Variants in FGD6 observed in about 807,000 individuals in gnomAD.
FGD6 encodes FYVE, RhoGEF and PH domain containing 6.
In FGD6, 90 loss-of-function variants were observed where a neutral mutation model predicts 149.4. That is an observed-to-expected ratio of 0.60 (90% CI 0.51 to 0.72). FGD6 has a LOEUF of 0.72. Ranked by LOEUF, FGD6 falls within the 30% of genes least tolerant of loss-of-function variation. FGD6 has a pLI of 0.00. For missense variants in FGD6, 1,437 were observed against 1,684.8 expected, an observed-to-expected ratio of 0.85 and a Z score of 2.57; for synonymous variants, 527 against 584.0, an observed-to-expected ratio of 0.90 and a Z score of 1.41.
chr12:95,122,786 A>G (rs372283495), intron 8 of FGD6, among the ~76,000 whole-genome samples: 1 of 151,880 alleles, frequency 6.6e-6, no homozygotes, highest in African/African-American at 2.4e-5. Flanking sequence ...CCTAAGTTAG[A>G]AAGTGTCATC....
At chr12:95,165,281 T>A (rs1052840638) in intron 3 of FGD6, among the ~76,000 whole-genome samples, 2 of 151,838 alleles carry the variant, frequency 1.3e-5, no homozygotes, top group African/African-American at 4.8e-5. Context: ...CTTTTCTTCA[T>A]GCAACATGAA....
chr12:95,211,153 G>A lies in FGD6; in HGVS notation c.131C>T (p.Ser44Leu), dbSNP rs1366577335. ...PDIVISSVPQ[S>L]TKKMKPAIAP... ...TATTGCTGGTTTCATTTTCTTTGTC[G>A]ACTGTGGAACACTAGAAATCACAAT... Residue 44 changes from serine to leucine, a missense_variant, in exon 2 of 21, where the codon TCG becomes TTG. Physicochemically the swap from Ser to Leu is moderately radical, Grantham distance 145. Around this residue, in one of 2 missense-constraint regions of FGD6, gnomAD observed 1,055 missense variants for 1,146.0 expected, o/e 0.92. Coordinates refer to ENST00000343958, the MANE Select transcript of FGD6 (RefSeq NM_018351.4). The A allele has an allele frequency of 6.2e-6, 10 of 1,613,980 alleles. No homozygotes were observed. The highest frequency in any genetic ancestry group is 2.2e-5 in the East Asian group (1 of 44,900).
At chr12:95,172,046 G>GGGGGGGGT (rs562514503) in intron 3 of FGD6, among the ~76,000 whole-genome samples, 54 of 136,400 alleles carry the variant, frequency 4.0e-4, no homozygotes, top group Middle Eastern at 3.9e-3. Flanking sequence ...GGGGGGGGGG[G>GGGGGGGGT]TTGTTATCAA....
rs985889586 is a variant in FGD6, at chr12:95,217,263, C to T, written c.-23G>A. 1 of 1,602,744 alleles carries T rather than the reference C, an allele frequency of 6.2e-7. No individual in the cohort carries two copies. ...CATGATTCCCCGGTGCAGCTCGCTT[C>T]CCCGCTCGGCCCCTCAATCCATCTT... On this transcript the variant is annotated 5_prime_UTR_variant, in exon 1 of 21. Coordinates refer to ENST00000343958, the MANE Select transcript of FGD6 (RefSeq NM_018351.4).
At chr12:95,189,268 TACAAAAGAGC>T (rs1881524932) in intron 2 of FGD6, 1 of 152,064 alleles carries the variant, frequency 6.6e-6, no homozygotes, top group African/African-American at 2.4e-5. Context: ...ATTTGTAGAG[TACAAAAGAGC>T]ACACAAAAAA....
chr12:95,217,145 C>A, intron 1 of FGD6, 80 bp downstream of exon 1: 1 of 1,594,118 alleles, frequency 6.3e-7, no homozygotes, highest in Admixed American at 1.7e-5. Flanking sequence ...CCCACCCCGG[C>A]GAAGAAAGTT....
intron 2 of FGD6, among the ~76,000 whole-genome samples, chr12:95,207,745 C>T (rs2056700275): frequency 6.6e-6 from 1 of 152,120 alleles, no homozygotes. Flanking sequence ...GAACATCAGA[C>T]ATGCCAATAA....
chr12:95,106,373 C>T (rs562365802), intron 13 of FGD6, among the ~76,000 whole-genome samples: 6 of 150,966 alleles, frequency 4.0e-5, no homozygotes, highest in South Asian at 4.2e-4. Flanking sequence ...CAGGTTCAAG[C>T]GATTCTCCTG....
intron 5 of FGD6, among the ~76,000 whole-genome samples, 189 bp from the exon 6 acceptor site, chr12:95,141,728 TAGTG>T (rs1010148803): frequency 2.0e-5 from 3 of 152,028 alleles, no homozygotes; most frequent in African/African-American, 7.3e-5. Context: ...AAATAAAAAA[TAGTG>T]AGACGATTAT....
chr12:95,162,533 T>TTGAA (rs1252194785), intron 3 of FGD6, among the ~76,000 whole-genome samples: 1 of 151,844 alleles, frequency 6.6e-6, no homozygotes. Context: ...TGTCTAAAAA[T>TTGAA]TGAATGAATA....
intron 3 of FGD6, among the ~76,000 whole-genome samples, chr12:95,154,107 G>A (rs142353920): frequency 0.014 from 2,203 of 152,086 alleles, 78 homozygotes; most frequent in Non-Finnish European, 0.013. Flanking sequence ...CTACAGGTGC[G>A]TGCCATCACG....
At chr12:95,175,790 ACT>A (rs1369735816) in intron 2 of FGD6, among the ~76,000 whole-genome samples, 1 of 141,956 alleles carries the variant, frequency 7.0e-6, no homozygotes, top group East Asian at 2.0e-4. Flanking sequence ...ACAGAGTGAG[ACT>A]CTGTCTCAAA....
chr12:95,138,422 T>C (rs1879743742), intron 6 of FGD6, among the ~76,000 whole-genome samples: 1 of 151,444 alleles, frequency 6.6e-6, no homozygotes, highest in Non-Finnish European at 1.5e-5. Context: ...CAGGCGCCTG[T>C]AATCCTAGGT....
chr12:95,132,793 T>A (rs1039316552), intron 8 of FGD6, among the ~76,000 whole-genome samples: 6 of 152,004 alleles, frequency 3.9e-5, no homozygotes, highest in African/African-American at 1.2e-4. Flanking sequence ...AAATAAATAA[T>A]ATGTAAAAAT....
intron 3 of FGD6, among the ~76,000 whole-genome samples, chr12:95,170,940 A>C (rs1048593612): frequency 6.6e-6 from 1 of 152,184 alleles, no homozygotes; most frequent in African/African-American, 2.4e-5. Context: ...AGCCTAAGTA[A>C]TTTATAGTGG....
Position 95,217,236 on chromosome 12 carries a change from G to C in FGD6, c.5C>G (p.Thr2Ser), listed in dbSNP as rs1415335964. 6.2e-7 allele frequency: 1 copy of C among 1,611,994 alleles called. No homozygotes were observed. Among genetic ancestry groups the C allele is most frequent in the Non-Finnish European group, 8.5e-7 (1 of 1,178,728 alleles). Residue 2 changes from threonine (T) to serine (S), a missense_variant, in exon 1 of 21, where the codon ACT becomes AGT. Physicochemically the swap from Thr to Ser is moderately conservative, Grantham distance 58 (BLOSUM62 1). Around this residue, in one of 2 missense-constraint regions of FGD6, gnomAD observed 1,055 missense variants for 1,146.0 expected, o/e 0.92. Coordinates refer to ENST00000343958, the MANE Select transcript of FGD6 (RefSeq NM_018351.4). ...GCGCCGTCACTTACCGGCTGCAGAA[G>C]TCATGATTCCCCGGTGCAGCTCGCT... Reference protein sequence around the residue: MTSAAEIKKPPV... With the variant: MSSAAEIKKPPV...
intron 2 of FGD6, among the ~76,000 whole-genome samples, chr12:95,176,538 T>C (rs1409029054): frequency 6.6e-6 from 1 of 152,156 alleles, no homozygotes; most frequent in East Asian, 1.9e-4. Flanking sequence ...TTCTAGAAAA[T>C]CAGTTTGTTT....
chr12:95,192,837 A>C (rs1881629673), intron 2 of FGD6, among the ~76,000 whole-genome samples: 1 of 152,198 alleles, frequency 6.6e-6, no homozygotes, highest in Admixed American at 6.5e-5. Flanking sequence ...TAGGTAGTGG[A>C]ACAAAGCCAT....
Position 95,152,962 on chromosome 12 carries a change from T to G in FGD6, c.2618A>C (p.His873Pro), listed in dbSNP as rs774057574. Residue 873 changes from histidine to proline, a missense_variant, in exon 4 of 21, where the codon CAT becomes CCT. By Grantham distance (77) the His-to-Pro change is moderately conservative. Transcript: ENST00000343958. The part of the protein sequence containing the change: ...DEDNGMKSKV[H>P]HIAKEIMSSE... ...GCTCATGATCTCCTTGGCAATATGA[T>G]GAACTTTACTTTTCATTCCATTATC... 30 of 1,613,954 alleles carry G rather than the reference T, an allele frequency of 1.9e-5. No individual in the cohort carries two copies. In the South Asian group the frequency reaches 3.2e-4, roughly 17 times the overall value.
Sources: allele counts gnomAD v4.1 joint callset (sites outside exome capture counted in the v4.1 genomes callset), GRCh38; gene constraint gnomAD v4.1.1; regional missense constraint gnomAD v4.1.1; transcripts MANE v1.5; gene names NCBI Gene and HGNC (gene_info 2026-07-23, HGNC 2026-07-21).